The following ACSL1 variants were observed in gnomAD, a reference collection of about 807,000 sequenced individuals.
The protein encoded by ACSL1 is long-chain-fatty-acid--CoA ligase 1.
ACSL1 carries 41 observed loss-of-function variants against 98.4 expected under a neutral mutation model. That is an observed-to-expected ratio of 0.42 (90% CI 0.32 to 0.54). The LOEUF is 0.54. ACSL1 is among the 20% of genes least tolerant of loss of function. ACSL1 has a pLI of 0.13. For synonymous variants in ACSL1, 316 were observed against 322.7 expected, an observed-to-expected ratio of 0.98 and a Z score of 0.22; for missense variants, 734 against 883.1, an observed-to-expected ratio of 0.83 and a Z score of 2.14.
rs373356308 is a variant in ACSL1, at chr4:184,768,305, T to G, written c.1128+11A>C. 154 of 1,609,472 alleles carry G rather than the reference T, an allele frequency of 9.6e-5. No individual in the cohort carries two copies. The highest frequency in any genetic ancestry group is 1.3e-4 in the Non-Finnish European group (152 of 1,178,908). On this transcript the variant is annotated intron_variant, in intron 12 of 20. Coordinates refer to ENST00000281455, the MANE Select transcript of ACSL1 (RefSeq NM_001995.5). ...GTGCTCAGTCCTGGGACTTCGCTGC[T>G]TGGAACTTACTCGGTCAAACATCCG... is the stretch of plus-strand genomic sequence containing the variant.
rs1764871963 is a variant in ACSL1, at chr4:184,773,845, T to C, written c.787A>G (p.Lys263Glu). 1.2e-6 allele frequency: 2 copies of C among 1,613,840 alleles called. No homozygotes were observed. The highest frequency in any genetic ancestry group is 2.7e-5 in the African/African-American group (2 of 74,906). The change falls in exon 8 of 21, where the codon AAG (lysine) becomes GAG (glutamate). Residue 263 changes from lysine (K) to glutamate (E), a missense_variant and splice_region_variant. Coordinates refer to ENST00000281455, the MANE Select transcript of ACSL1 (RefSeq NM_001995.5). The surrounding 1 kb of genome is among the most constrained non-coding windows in gnomAD (Gnocchi z 4.3). ...AGGGTCTGACACGGTGTGCTTACCT[T>C]GGGCTTCCGTCTGTTGGCTCTTCCC... The part of the protein sequence containing the change: ...DLGRANRRKP[K>E]PPAPEDLAVI...
At chr4:184,789,946 G>A (rs577067027) in intron 2 of ACSL1, among the ~76,000 whole-genome samples, 3 of 151,650 alleles carry the variant, frequency 2.0e-5, no homozygotes, top group Non-Finnish European at 2.9e-5. Context: ...GAAACCCTTG[G>A]AGAAATTAGA....
intron 1 of ACSL1, among the ~76,000 whole-genome samples, chr4:184,819,703 G>A (rs1343868060): frequency 2.6e-5 from 4 of 152,112 alleles, no homozygotes; most frequent in Non-Finnish European, 4.4e-5. Flanking sequence ...GAAGCAAGCT[G>A]CAGAAGCCCC....
chr4:184,806,548 A>G (rs1771446908), intron 1 of ACSL1, among the ~76,000 whole-genome samples: 1 of 152,232 alleles, frequency 6.6e-6, no homozygotes, highest in African/African-American at 2.4e-5. Flanking sequence ...TCCCTGAGTG[A>G]GAATCTTAAA....
At chr4:184,794,598 G>C (rs974680087) in intron 2 of ACSL1, among the ~76,000 whole-genome samples, 8 of 152,220 alleles carry the variant, frequency 5.3e-5, no homozygotes, top group African/African-American at 4.8e-5. Flanking sequence ...CCCCTCTCCA[G>C]ATGAGGAAGC....
chr4:184,776,949 G>A lies in ACSL1; in HGVS notation c.512C>T (p.Ser171Leu), dbSNP rs995854397. ...ATCATAAAGTGGAACGATCACCATC[G>A]AATAAGCAAAGCATCCTTGTTCAAT... The part of the protein sequence containing the change: ...VIIEQGCFAY[S>L]MVIVPLYDTL... Residue 171 changes from serine to leucine, a missense_variant, in exon 6 of 21, where the codon TCG becomes TTG. Ser to Leu is a moderately radical substitution (Grantham distance 145). Transcript: ENST00000281455. The A allele has an allele frequency of 1.2e-6, 2 of 1,614,076 alleles. No individual in the cohort carries two copies. Among genetic ancestry groups the A allele is most frequent in the Non-Finnish European group, 8.5e-7 (1 of 1,180,006 alleles).
intron 7 of ACSL1, among the ~76,000 whole-genome samples, chr4:184,775,415 T>C (rs956094892): frequency 6.6e-6 from 1 of 152,116 alleles, no homozygotes; most frequent in Non-Finnish European, 1.5e-5. Flanking sequence ...AATTCTTGCA[T>C]CTGTGGGAAG....
chr4:184,765,061 T>A, intron 14 of ACSL1, 136 bp from the exon 15 acceptor site: 1 of 846,510 alleles, frequency 1.2e-6, no homozygotes, highest in Non-Finnish European at 1.8e-6. Flanking sequence ...GTCTGTTCAG[T>A]AAGTTCATTC....
At chr4:184,758,763 T>C (rs1762457065) in intron 18 of ACSL1, 1 of 152,150 alleles carries the variant, frequency 6.6e-6, no homozygotes, top group Non-Finnish European at 1.5e-5. Flanking sequence ...TAACAACTTT[T>C]TCTTTTTTTT....
At chr4:184,761,440 A>C (rs1378343429) in intron 17 of ACSL1, among the ~76,000 whole-genome samples, 1 of 152,214 alleles carries the variant, frequency 6.6e-6, no homozygotes, top group East Asian at 1.9e-4. Context: ...TTGTAATTTT[A>C]GGGCTTGCAA....
chr4:184,775,011 A>G (rs1240343499), intron 7 of ACSL1, among the ~76,000 whole-genome samples: 6 of 152,234 alleles, frequency 3.9e-5, no homozygotes, highest in Admixed American at 1.3e-4. Context: ...AACTGATGTT[A>G]AATAAAATAA....
chr4:184,789,699 C>CG (rs1296079534), intron 2 of ACSL1, among the ~76,000 whole-genome samples: 1 of 152,168 alleles, frequency 6.6e-6, no homozygotes, highest in African/African-American at 2.4e-5. Context: ...ATGGATAAGG[C>CG]GGCAGGGCCT....
At chr4:184,777,006 G>C in intron 5 of ACSL1, 23 bp from the exon 6 acceptor site, 1 of 1,602,048 alleles carries the variant, frequency 6.2e-7, no homozygotes, top group Middle Eastern at 1.7e-4. Flanking sequence ...TAAAGGTCAG[G>C]GAGAGAAAAC....
chr4:184,764,946 A>C (rs1405267872), intron 14 of ACSL1, 21 bp from the exon 15 acceptor site: 1 of 1,611,740 alleles, frequency 6.2e-7, no homozygotes, highest in South Asian at 1.1e-5. Context: ...AAGAGATGCA[A>C]CATTATTAAG....
In ACSL1 at chr4:184,776,475, G is replaced by C. The variant is rs369882001; in HGVS notation, c.756+9C>G. 2 of 1,608,680 alleles carry C rather than the reference G, an allele frequency of 1.2e-6. No individual in the cohort carries two copies. The highest frequency in any genetic ancestry group is 2.2e-5 in the South Asian group (2 of 90,420). On this transcript the variant is annotated intron_variant, in intron 7 of 20. Coordinates refer to ENST00000281455, the MANE Select transcript of ACSL1 (RefSeq NM_001995.5). ...GCCTTCAGAGAAGGGAAGGAGGCAGGGCACTCACCTCCATCGCCTTCATGC... is the reference window on the plus strand; with the variant it reads ...GCCTTCAGAGAAGGGAAGGAGGCAGCGCACTCACCTCCATCGCCTTCATGC...
rs570025626 is a variant in ACSL1 at position 184,757,099 on chromosome 4, A to G, written c.*26T>C. ...GGAGAAGAGATTGTGGAACTGTGCC[A>G]TTTCCTCTGAGCTTTCTTCTTCACA... is the stretch of plus-strand genomic sequence containing the variant. On this transcript the variant is annotated 3_prime_UTR_variant, in exon 21 of 21. Coordinates refer to ENST00000281455, the MANE Select transcript of ACSL1 (RefSeq NM_001995.5). The surrounding 1 kb of genome is among the most constrained non-coding windows in gnomAD (Gnocchi z 4.5). The G allele has an allele frequency of 7.4e-5, 114 of 1,547,206 alleles. 4 individuals carry two copies. In the South Asian group the frequency reaches 1.2e-3, roughly 17 times the overall value.
Position 184,825,945 on chromosome 4 carries a change from G to C in ACSL1, c.-62C>G, listed in dbSNP as rs1773452626. The C allele has an allele frequency of 6.7e-6, 1 of 148,446 alleles. No homozygotes were observed. The highest frequency in any genetic ancestry group is 1.5e-5 in the Non-Finnish European group (1 of 66,488). The allele number at this position is 148,446 out of a possible 1,614,324, so 9.2% of individuals were successfully genotyped here. On this transcript the variant is annotated 5_prime_UTR_variant, in exon 1 of 21. Coordinates refer to ENST00000281455, the MANE Select transcript of ACSL1 (RefSeq NM_001995.5). The surrounding 1 kb of genome is among the most constrained non-coding windows in gnomAD (Gnocchi z 4.7). ...TCCGTGGACCGGCCGCTCCGCCGCCGGCTGTCACTGCAGCCCACTCCCTGC... is the reference window on the plus strand; with the variant it reads ...TCCGTGGACCGGCCGCTCCGCCGCCCGCTGTCACTGCAGCCCACTCCCTGC...
intron 1 of ACSL1, among the ~76,000 whole-genome samples, chr4:184,810,559 T>A (rs890986787): frequency 6.6e-6 from 1 of 152,142 alleles, no homozygotes; most frequent in Admixed American, 6.5e-5. Context: ...GAGGGTTGCA[T>A]GGAGAAGGCA....
chr4:184,791,767 C>T (rs1768413367), intron 2 of ACSL1, among the ~76,000 whole-genome samples: 1 of 152,114 alleles, frequency 6.6e-6, no homozygotes, highest in Non-Finnish European at 1.5e-5. Flanking sequence ...GACCAAGGCA[C>T]TGGGCGTGCT....
Sources: allele counts gnomAD v4.1 joint callset (sites outside exome capture counted in the v4.1 genomes callset), GRCh38; gene constraint gnomAD v4.1.1; non-coding constraint Gnocchi (gnomAD v3.1); transcripts MANE v1.5; gene names NCBI Gene and HGNC (gene_info 2026-07-23, HGNC 2026-07-21).